The following SGCZ variants were observed in gnomAD, a reference collection of about 807,000 sequenced individuals.
SGCZ encodes the protein zeta-sarcoglycan.
A neutral mutation model predicts 41.3 loss-of-function variants in SGCZ; 40 were observed. The ratio of observed to expected loss-of-function variants is 0.97; its 90% CI spans 0.75 to 1.26. The LOEUF is 1.26. Among genes scored for constraint, SGCZ ranks in the 50% most tolerant of loss-of-function variants. SGCZ has a pLI of 0.00. For missense variants in SGCZ, 552 were observed against 369.8 expected (o/e 1.49, Z -4.04); for synonymous variants, 206 against 137.5 (o/e 1.50, Z -3.49).
intron 1 of SGCZ, among the ~76,000 whole-genome samples, chr8:14,848,800 C>T (rs1163327633): frequency 6.6e-6 from 1 of 151,996 alleles, no homozygotes; most frequent in African/African-American, 2.4e-5. Context: ...TCTTAAGAAC[C>T]GTCCCAGAAG....
intron 2 of SGCZ, among the ~76,000 whole-genome samples, chr8:14,395,750 G>C (rs1798901155): frequency 6.6e-6 from 1 of 152,138 alleles, no homozygotes; most frequent in East Asian, 1.9e-4. Context: ...ACATCAGATG[G>C]CAAAGGAGCT....
Position 14,812,466 on chromosome 8 carries a change from A to G in SGCZ, c.40-257540T>C, listed in dbSNP as rs1442515692. Among the ~76,000 whole-genome samples the G allele has an allele frequency of 3.3e-5, 5 of 152,140 alleles. No individual in the cohort carries two copies. The East Asian group carries it at 9.6e-4, about 29-fold the overall frequency. On this transcript the variant is annotated intron_variant, in intron 1 of 7. Coordinates refer to ENST00000382080, the MANE Select transcript of SGCZ (RefSeq NM_139167.4). ...CAACAAGGTAAAACACAGGCCTGGAATATAACCCCAAAGAATGACTCAGGA... is the reference window on the plus strand; with the variant it reads ...CAACAAGGTAAAACACAGGCCTGGAGTATAACCCCAAAGAATGACTCAGGA...
intron 3 of SGCZ, among the ~76,000 whole-genome samples, chr8:14,255,062 A>G (rs911529750): frequency 1.3e-5 from 2 of 152,020 alleles, no homozygotes; most frequent in African/African-American, 2.4e-5. Context: ...TCCTCTATGT[A>G]TCTCAGTATT....
rs536307660 is a variant in SGCZ at position 14,737,096 on chromosome 8, T to C, written c.40-182170A>G. ...ATATCTGGTATATAAGATATATATC[T>C]ATATACCAGATACATAAGATTTATA... On this transcript the variant is annotated intron_variant, in intron 1 of 7. Coordinates refer to ENST00000382080, the MANE Select transcript of SGCZ (RefSeq NM_139167.4). Among the ~76,000 whole-genome samples, 6 of 148,612 alleles carry C rather than the reference T, an allele frequency of 4.0e-5. No homozygotes were observed. The East Asian group carries it at 7.8e-4, about 19-fold the overall frequency.
At chr8:15,128,466 C>T (rs1807784928) in intron 1 of SGCZ, among the ~76,000 whole-genome samples, 1 of 152,204 alleles carries the variant, frequency 6.6e-6, no homozygotes, top group Non-Finnish European at 1.5e-5. Context: ...CCTGGCTGAG[C>T]TCAGCACGCC....
chr8:14,778,800 G>T (rs866653356), intron 1 of SGCZ, among the ~76,000 whole-genome samples: 1 of 152,150 alleles, frequency 6.6e-6, no homozygotes, highest in Admixed American at 6.5e-5. Flanking sequence ...ATTTGATTGG[G>T]ATAAAGAAAG....
rs561423485 is a variant in SGCZ at position 14,516,891 on chromosome 8, C to T, written c.234+37841G>A. The stretch of plus-strand genomic sequence containing the variant: ...AACTATTTTATATAGAAACAACAAG[C>T]TGACACCAAGAGTATATGGAAACAC... On this transcript the variant is annotated intron_variant, in intron 2 of 7. Transcript: ENST00000382080. Among the ~76,000 whole-genome samples, 5 of 152,070 alleles carry T rather than the reference C, an allele frequency of 3.3e-5. No individual in the cohort carries two copies. In the East Asian group the frequency reaches 9.7e-4, roughly 29 times the overall value.
rs190070047 is a variant in SGCZ at position 14,838,287 on chromosome 8, T to C, written c.40-283361A>G. 4.1e-3 allele frequency among the ~76,000 whole-genome samples: 630 copies of C among 152,226 alleles called. 5 individuals carry two copies. The highest frequency in any genetic ancestry group is 0.016 in the South Asian group (79 of 4,818). On this transcript the variant is annotated intron_variant, in intron 1 of 7. Transcript: ENST00000382080. Reference sequence around the variant, plus strand: ...GATGACTATAGTTGACAATAATGTATATTTTGATGTTTGGTATCTTAAAAA... The same window carrying C: ...GATGACTATAGTTGACAATAATGTACATTTTGATGTTTGGTATCTTAAAAA...
intron 2 of SGCZ, among the ~76,000 whole-genome samples, chr8:14,476,715 T>G (rs907417189): frequency 3.9e-5 from 6 of 152,192 alleles, no homozygotes; most frequent in Admixed American, 3.3e-4. Flanking sequence ...CTTGGTGAGA[T>G]AGCTATTAAG....
intron 2 of SGCZ, among the ~76,000 whole-genome samples, chr8:14,544,181 T>C (rs1053133695): frequency 5.9e-5 from 9 of 152,140 alleles, no homozygotes; most frequent in African/African-American, 2.2e-4. Flanking sequence ...TGGACATTTA[T>C]CAGTTCCCAA....
chr8:14,582,082 A>C (rs975374216), intron 1 of SGCZ, among the ~76,000 whole-genome samples: 2 of 152,114 alleles, frequency 1.3e-5, no homozygotes, highest in African/African-American at 4.8e-5. Context: ...ATGATGATCT[A>C]CTTCTGCTTA....
At chr8:14,914,819 T>C (rs556647467) in intron 1 of SGCZ, among the ~76,000 whole-genome samples, 2 of 152,300 alleles carry the variant, frequency 1.3e-5, no homozygotes, top group South Asian at 4.1e-4. Flanking sequence ...AGAGCTACTG[T>C]GGGAAAGATT....
chr8:14,654,353 A>C (rs1309950429), intron 1 of SGCZ, among the ~76,000 whole-genome samples: 1 of 152,066 alleles, frequency 6.6e-6, no homozygotes, highest in African/African-American at 2.4e-5. Flanking sequence ...CAGGCTGCTC[A>C]CTGTGCCTCA....
intron 1 of SGCZ, among the ~76,000 whole-genome samples, chr8:14,947,133 ACT>A (rs1174921608): frequency 1.6e-4 from 25 of 152,216 alleles, no homozygotes; most frequent in Non-Finnish European, 3.2e-4. Flanking sequence ...GAAAAGCAAC[ACT>A]CTCATCTATC....
At chr8:14,386,098 G>A (rs527291288) in intron 2 of SGCZ, among the ~76,000 whole-genome samples, 6 of 151,650 alleles carry the variant, frequency 4.0e-5, no homozygotes, top group South Asian at 4.2e-4. Flanking sequence ...TTCAGTCTTC[G>A]GTTGGTTGAA....
At position 14,420,644 on chromosome 8, in the gene SGCZ, T is replaced by G. The variant is rs184829408; in HGVS notation, c.235-96440A>C. 3.0e-3 allele frequency among the ~76,000 whole-genome samples: 451 copies of G among 152,154 alleles called. 6 individuals are homozygous for G. The highest frequency in any genetic ancestry group is 0.01 in the African/African-American group (418 of 41,540). On this transcript the variant is annotated intron_variant, in intron 2 of 7. Transcript: ENST00000382080. Reference sequence around the variant, plus strand: ...ATGTGTTTGCACAGCATAGATGCATTAGATCCTGTTCAGCAATAGAACTGG... The same window carrying G: ...ATGTGTTTGCACAGCATAGATGCATGAGATCCTGTTCAGCAATAGAACTGG...
At chr8:14,611,820 G>C (rs1352359557) in intron 1 of SGCZ, among the ~76,000 whole-genome samples, 1 of 151,948 alleles carries the variant, frequency 6.6e-6, no homozygotes, top group African/African-American at 2.4e-5. Flanking sequence ...AAACACAATA[G>C]ATTGCTATGT....
chr8:14,477,275 AC>A (rs1801388921), intron 2 of SGCZ, among the ~76,000 whole-genome samples: 2 of 152,182 alleles, frequency 1.3e-5, no homozygotes. Flanking sequence ...CAAAACAACA[AC>A]AAAAACCACC....
intron 1 of SGCZ, among the ~76,000 whole-genome samples, chr8:15,154,078 G>A (rs1441422839): frequency 6.7e-6 from 1 of 149,110 alleles, no homozygotes; most frequent in East Asian, 2.1e-4. Context: ...AAGCTCAGGA[G>A]GTCATATTCA....
Sources: gnomAD v4.1 joint callset for allele counts (sites outside exome capture counted in the v4.1 genomes callset) on GRCh38, gnomAD v4.1.1 for gene constraint, MANE v1.5 for transcripts, NCBI Gene and HGNC (gene_info 2026-07-23, HGNC 2026-07-21) for gene names.